Variants in PDK1 observed in about 807,000 individuals in gnomAD.
PDK1 encodes the protein pyruvate dehydrogenase kinase 1.
A neutral mutation model predicts 54.2 loss-of-function variants in PDK1; 39 were observed. The ratio of observed to expected loss-of-function variants is 0.72; its 90% CI spans 0.56 to 0.94. The LOEUF (loss-of-function observed/expected upper bound fraction) is 0.94, where lower values mean the gene tolerates loss of function less well. PDK1 is among the 40% of genes least tolerant of loss of function. The pLI, the probability that PDK1 is intolerant of heterozygous loss-of-function variation, is 0.00. For missense variants in PDK1, 552 were observed against 566.0 expected (o/e 0.98, Z 0.25); for synonymous variants, 221 against 207.1 (o/e 1.07, Z -0.58).
chr2:172,567,452 T>C (rs1327307192), intron 6 of PDK1, among the ~76,000 whole-genome samples: 1 of 152,228 alleles, frequency 6.6e-6, no homozygotes, highest in Non-Finnish European at 1.5e-5. Context: ...GAGGGATTGA[T>C]GAGTCTCTTT....
chr2:172,667,366 G>T, the PDK1 span, among the ~76,000 whole-genome samples: 6 of 152,176 alleles, frequency 3.9e-5, no homozygotes, highest in Non-Finnish European at 8.8e-5. Flanking sequence ...GGGGCAATGG[G>T]GCTGTCCCTA....
the PDK1 span, among the ~76,000 whole-genome samples, chr2:172,619,570 CTG>C: frequency 6.6e-6 from 1 of 151,822 alleles, no homozygotes; most frequent in East Asian, 1.9e-4. Flanking sequence ...CAGTCTTTCC[CTG>C]AGGCAATGAA....
At position 172,594,037 on chromosome 2, in the gene PDK1, C is replaced by CTTT. The variant is rs35036603; in HGVS notation, c.1170+1003_1170+1005dup. ...AGGGCAACATCAATGCAATGTTTTT[C>CTTT]TTTTTTTTTTTTTTTTGAGACGGAG... On this transcript the variant is annotated intron_variant, in intron 10 of 10. Coordinates refer to ENST00000282077, the MANE Select transcript of PDK1 (RefSeq NM_002610.5). Among the ~76,000 whole-genome samples, 16 of 134,782 alleles carry CTTT rather than the reference C, an allele frequency of 1.2e-4. 1 individual carries two copies. The highest frequency in any genetic ancestry group is 3.6e-4 in the African/African-American group (13 of 36,342). The allele number at this position is 134,782 out of a possible 152,430, so 88.4% of individuals were successfully genotyped here. A position where few individuals can be genotyped will look rare whatever the true frequency, so the allele number is the denominator to read the frequency against.
the PDK1 span, among the ~76,000 whole-genome samples, chr2:172,720,291 T>C: frequency 5.9e-5 from 9 of 152,066 alleles, no homozygotes; most frequent in Non-Finnish European, 1.2e-4. Context: ...ATTTTTGTAT[T>C]TTTAGTAGAG....
At chr2:172,640,911 T>C in the PDK1 span, among the ~76,000 whole-genome samples, 1 of 147,562 alleles carries the variant, frequency 6.8e-6, no homozygotes, top group South Asian at 2.3e-4. Flanking sequence ...CCTCCCTCCT[T>C]CCTTCCCTCC....
the PDK1 span, among the ~76,000 whole-genome samples, chr2:172,695,349 C>T: frequency 6.6e-6 from 1 of 152,218 alleles, no homozygotes; most frequent in African/African-American, 2.4e-5. Flanking sequence ...ATGTTGAGGA[C>T]CTACTCCACA....
intron 1 of PDK1, 162 bp downstream of exon 1, chr2:172,556,508 C>T: frequency 2.1e-6 from 1 of 476,672 alleles, no homozygotes; most frequent in Non-Finnish European, 3.5e-6. Context: ...TTCCTCCCTC[C>T]GAAGTGCCGG....
chr2:172,611,574 C>T (rs941506679), downstream of PDK1, among the ~76,000 whole-genome samples: 23 of 152,084 alleles, frequency 1.5e-4, no homozygotes, highest in African/African-American at 3.9e-4. Flanking sequence ...CTAGTTTTAC[C>T]GTGATGCCAA....
chr2:172,578,108 T>C (rs1689674428), intron 8 of PDK1, among the ~76,000 whole-genome samples: 1 of 152,218 alleles, frequency 6.6e-6, no homozygotes, highest in Non-Finnish European at 1.5e-5. Context: ...AGAATTCTTG[T>C]TGATAGTCTT....
the PDK1 span, among the ~76,000 whole-genome samples, chr2:172,645,260 CTTTTTTTT>C: frequency 1.6e-4 from 8 of 51,128 alleles, no homozygotes; most frequent in South Asian, 2.2e-3. Flanking sequence ...ACAAAATAGG[CTTTTTTTT>C]TTTTTTTTTT....
chr2:172,563,667 C>T (rs1688776812), intron 3 of PDK1, among the ~76,000 whole-genome samples: 1 of 152,098 alleles, frequency 6.6e-6, no homozygotes, highest in Admixed American at 6.5e-5. Context: ...AACCCTGTCT[C>T]TACTAAAAAT....
the PDK1 span, among the ~76,000 whole-genome samples, chr2:172,633,094 A>G: frequency 6.6e-6 from 1 of 151,530 alleles, no homozygotes; most frequent in Non-Finnish European, 1.5e-5. Context: ...CCAGGCTGGA[A>G]TGCAGTGGAG....
chr2:172,621,794 GATATATGTTTATATC>G, the PDK1 span, among the ~76,000 whole-genome samples: 317 of 124,084 alleles, frequency 2.6e-3, 2 homozygotes, highest in Middle Eastern at 5.3e-3. Flanking sequence ...TCATATGTAT[GATATATGTTTATATC>G]TCATATGTAT....
At chr2:172,708,270 C>T in the PDK1 span, among the ~76,000 whole-genome samples, 1 of 145,234 alleles carries the variant, frequency 6.9e-6, no homozygotes, top group Admixed American at 6.9e-5. Context: ...GCCTGGGCGA[C>T]AGAGTGAAAA....
At chr2:172,691,666 T>C in the PDK1 span, among the ~76,000 whole-genome samples, 1 of 152,228 alleles carries the variant, frequency 6.6e-6, no homozygotes. Context: ...AATCGTACAA[T>C]ATTTAGTCTT....
the PDK1 span, among the ~76,000 whole-genome samples, chr2:172,644,765 G>A: frequency 6.6e-6 from 1 of 152,162 alleles, no homozygotes; most frequent in Non-Finnish European, 1.5e-5. Flanking sequence ...ATGCAAATGA[G>A]AATTTTAATA....
rs978767692 is a variant in PDK1, at chr2:172,562,613, T to C, written c.410+322T>C. 10 of 655,216 alleles carry C rather than the reference T, an allele frequency of 1.5e-5. No individual in the cohort carries two copies. In the East Asian group the frequency reaches 2.7e-4, roughly 18 times the overall value. The allele number at this position is 655,216 out of a possible 1,614,324, so 40.6% of individuals were successfully genotyped here. A position where few individuals can be genotyped will look rare whatever the true frequency, so the allele number is the denominator to read the frequency against. On this transcript the variant is annotated intron_variant, in intron 3 of 10. Transcript: ENST00000282077. The stretch of plus-strand genomic sequence containing the variant: ...TCAGCCCCAGCTGATCTTTGCCATA[T>C]GAAAATACTGCCCATATCATCTGAT...
At chr2:172,659,206 G>A in the PDK1 span, among the ~76,000 whole-genome samples, 13 of 152,050 alleles carry the variant, frequency 8.5e-5, no homozygotes, top group African/African-American at 1.7e-4. Flanking sequence ...TTCTCAGACC[G>A]CCAACACTTA....
chr2:172,573,286 G>T (rs1051182967), intron 8 of PDK1, among the ~76,000 whole-genome samples: 1 of 152,138 alleles, frequency 6.6e-6, no homozygotes, highest in Non-Finnish European at 1.5e-5. Context: ...ACATTATTGT[G>T]AGTGTGAAGT....
Sources: gnomAD v4.1 joint callset for allele counts (sites outside exome capture counted in the v4.1 genomes callset) on GRCh38, gnomAD v4.1.1 for gene constraint, MANE v1.5 for transcripts, NCBI Gene and HGNC (gene_info 2026-07-23, HGNC 2026-07-21) for gene names.